ZNF892: variants seen among roughly 807,000 people sequenced by gnomAD.
The protein encoded by ZNF892 is zinc finger protein 570-like.
At chr2:95,214,103 T>G in the ZNF892 span, among the ~76,000 whole-genome samples, 2 of 152,172 alleles carry the variant, frequency 1.3e-5, no homozygotes, top group Non-Finnish European at 2.9e-5. Flanking sequence ...GAATGTTGAG[T>G]ACCTGCACAC....
chr2:95,249,294 G>C, the ZNF892 span, among the ~76,000 whole-genome samples: 1 of 129,226 alleles, frequency 7.7e-6, no homozygotes, highest in Non-Finnish European at 1.6e-5. Flanking sequence ...AGGCTGGAGT[G>C]CAGTGGCACG....
the ZNF892 span, among the ~76,000 whole-genome samples, chr2:95,250,493 A>G: frequency 6.7e-6 from 1 of 149,538 alleles, no homozygotes; most frequent in East Asian, 1.9e-4. Context: ...CATTTATGTA[A>G]TAAATGTTTA....
chr2:95,255,845 G>A, the ZNF892 span, among the ~76,000 whole-genome samples: 3 of 152,098 alleles, frequency 2.0e-5, no homozygotes, highest in Non-Finnish European at 4.4e-5. Flanking sequence ...GGCCTCCTTT[G>A]TCTCTTTTGA....
chr2:95,231,070 A>G, the ZNF892 span, among the ~76,000 whole-genome samples: 1 of 152,234 alleles, frequency 6.6e-6, no homozygotes, highest in African/African-American at 2.4e-5. Context: ...TGACCCAGCA[A>G]TCTGACTCCT....
chr2:95,247,958 A>G, the ZNF892 span, among the ~76,000 whole-genome samples: 3 of 152,358 alleles, frequency 2.0e-5, no homozygotes, highest in South Asian at 6.2e-4. Context: ...AAACAGAGCT[A>G]CTATTCAATT....
chr2:95,245,461 G>GCT, the ZNF892 span, among the ~76,000 whole-genome samples: 1 of 11,564 alleles, frequency 8.6e-5, no homozygotes, highest in Non-Finnish European at 1.6e-4. Context: ...GGGGGGGGGG[G>GCT]GGTTTCACCA....
the ZNF892 span, among the ~76,000 whole-genome samples, chr2:95,253,495 T>C: frequency 6.6e-6 from 1 of 152,218 alleles, no homozygotes; most frequent in African/African-American, 2.4e-5. Flanking sequence ...AGCCTTGTAG[T>C]ATAGTTTGAA....
At chr2:95,231,416 A>C in the ZNF892 span, among the ~76,000 whole-genome samples, 1 of 152,234 alleles carries the variant, frequency 6.6e-6, no homozygotes, top group African/African-American at 2.4e-5. Flanking sequence ...GAAGGGGCAG[A>C]ACAAACTTTC....
At chr2:95,237,608 T>A in the ZNF892 span, among the ~76,000 whole-genome samples, 1 of 152,166 alleles carries the variant, frequency 6.6e-6, no homozygotes, top group Admixed American at 6.5e-5. Context: ...GAGTCACATG[T>A]TTCTCATTTT....
chr2:95,241,857 G>A, the ZNF892 span, among the ~76,000 whole-genome samples: 1 of 152,062 alleles, frequency 6.6e-6, no homozygotes, highest in Non-Finnish European at 1.5e-5. Context: ...ACAGTTACAA[G>A]TATCAATAAC....
the ZNF892 span, among the ~76,000 whole-genome samples, chr2:95,261,218 C>T: frequency 5.3e-5 from 8 of 152,120 alleles, no homozygotes; most frequent in African/African-American, 1.7e-4. Flanking sequence ...TCAGGAGGAA[C>T]GTGATGACTG....
the ZNF892 span, among the ~76,000 whole-genome samples, chr2:95,250,555 CAT>C: frequency 6.9e-6 from 1 of 144,066 alleles, no homozygotes; most frequent in African/African-American, 2.5e-5. Flanking sequence ...TTAAAATAGT[CAT>C]AAATTATTTA....
chr2:95,233,539 G>C, the ZNF892 span, among the ~76,000 whole-genome samples: 1 of 151,276 alleles, frequency 6.6e-6, no homozygotes, highest in Non-Finnish European at 1.5e-5. Context: ...CGGGCGTGGT[G>C]GTGGGCGCCT....
At chr2:95,227,773 C>T in the ZNF892 span, among the ~76,000 whole-genome samples, 3 of 152,014 alleles carry the variant, frequency 2.0e-5, no homozygotes, top group Non-Finnish European at 4.4e-5. Flanking sequence ...CACACCACCA[C>T]ATCCAAGTGA....
the ZNF892 span, chr2:95,214,530 G>A: frequency 5.0e-6 from 2 of 398,566 alleles, no homozygotes; most frequent in Non-Finnish European, 8.8e-6. Context: ...ATCTTCTAGG[G>A]AGAGAAGCTA....
the ZNF892 span, among the ~76,000 whole-genome samples, chr2:95,256,117 A>G: frequency 1.2e-4 from 18 of 152,160 alleles, no homozygotes; most frequent in Non-Finnish European, 2.4e-4. Context: ...TGTCATTATG[A>G]TGTTAGCTGG....
At chr2:95,207,612 A>T in the ZNF892 span, 1 of 390,088 alleles carries the variant, frequency 2.6e-6, no homozygotes, top group African/African-American at 2.1e-5. Flanking sequence ...GTGTGGCTGG[A>T]GGTCGAACCC....
At chr2:95,261,891 G>A in the ZNF892 span, among the ~76,000 whole-genome samples, 1 of 152,296 alleles carries the variant, frequency 6.6e-6, no homozygotes, top group African/African-American at 2.4e-5. Flanking sequence ...GTAGGAATGG[G>A]CCCCGTGCAG....
chr2:95,207,773 C>G, the ZNF892 span: 2 of 398,494 alleles, frequency 5.0e-6, no homozygotes, highest in East Asian at 7.1e-5. Flanking sequence ...GCTCCTTCCC[C>G]TGTCGCGGTT....
Sources: allele counts gnomAD v4.1 joint callset (sites outside exome capture counted in the v4.1 genomes callset), GRCh38; gene constraint gnomAD v4.1.1; transcripts MANE v1.5; gene names NCBI Gene and HGNC (gene_info 2026-07-23, HGNC 2026-07-21).